The following MED24 variants were observed in gnomAD, a reference collection of about 807,000 sequenced individuals.
The protein encoded by MED24 is mediator of RNA polymerase II transcription subunit 24.
In MED24, 74 loss-of-function variants were observed where a neutral mutation model predicts 118.8. The ratio of observed to expected loss-of-function variants is 0.62; its 90% CI spans 0.52 to 0.76. The LOEUF (loss-of-function observed/expected upper bound fraction) is 0.76. Ranked by LOEUF, MED24 falls within the 30% of genes least tolerant of loss-of-function variation. MED24 has a pLI of 0.00. For missense variants in MED24, 1,041 were observed against 1,278.9 expected (o/e 0.81, Z 2.84); for synonymous variants, 521 against 523.9 (o/e 0.99, Z 0.08).
intron 9 of MED24, 55 bp downstream of exon 9, chr17:40,032,594 G>T: frequency 7.0e-7 from 1 of 1,430,576 alleles, no homozygotes; most frequent in Non-Finnish European, 9.8e-7. Context: ...GGGTGCCACT[G>T]GTCTTGCTAA....
In MED24 at chr17:40,036,174, A is replaced by G. The variant is rs1983911023; in HGVS notation, c.214-20T>C. On this transcript the variant is annotated intron_variant, in intron 3 of 25. Transcript: ENST00000394128. ...CACCATCTGGAGAGAAGGAAGAAAGATAATCTTTAGACAACTAGTCTCCCA... is the reference window on the plus strand; with the variant it reads ...CACCATCTGGAGAGAAGGAAGAAAGGTAATCTTTAGACAACTAGTCTCCCA... The G allele has an allele frequency of 6.2e-7, 1 of 1,605,518 alleles. No individual in the cohort carries two copies. Among genetic ancestry groups the G allele is most frequent in the African/African-American group, 1.3e-5 (1 of 74,840 alleles).
intron 14 of MED24, 21 bp from the exon 15 acceptor site, chr17:40,027,967 C>T (rs1156519052): frequency 1.2e-6 from 2 of 1,613,530 alleles, no homozygotes; most frequent in East Asian, 2.2e-5. Flanking sequence ...TGGAGACAGG[C>T]TGCATTGACC....
chr17:40,027,697 A>AG (rs1303988657), intron 15 of MED24: 38 of 669,326 alleles, frequency 5.7e-5, no homozygotes, highest in Admixed American at 2.4e-4. Context: ...TAAAGGGATG[A>AG]GGGGGGGAAG....
Position 40,032,027 on chromosome 17 carries a change from T to C in MED24, c.984+16A>G, listed in dbSNP as rs1264452556. ...TTATTTCTGCTCCCATGCCTCCATC[T>C]CAATCCCCAACTCACCTTGTCTCCA... On this transcript the variant is annotated intron_variant, in intron 10 of 25. Coordinates refer to ENST00000394128, the MANE Select transcript of MED24 (RefSeq NM_014815.4). The C allele has an allele frequency of 6.2e-7, 1 of 1,613,084 alleles. No homozygotes were observed. The highest frequency in any genetic ancestry group is 8.5e-7 in the Non-Finnish European group (1 of 1,179,390).
At position 40,019,782 on chromosome 17, in the gene MED24, C is replaced by G; in HGVS notation, c.2853+3G>C. 1 of 1,611,980 alleles carries G rather than the reference C, an allele frequency of 6.2e-7. No individual in the cohort carries two copies. The highest frequency in any genetic ancestry group is 1.1e-5 in the South Asian group (1 of 90,810). ...GCAGGAGAGCCGGGAAGGTGGTACT[C>G]ACGGTGGTGAAGGGCATGAACTGCA... On this transcript the variant is annotated splice_donor_region_variant and intron_variant, in intron 25 of 25. Transcript: ENST00000394128.
intron 3 of MED24, among the ~76,000 whole-genome samples, chr17:40,048,454 G>A (rs1161867311): frequency 6.6e-6 from 1 of 152,126 alleles, no homozygotes; most frequent in African/African-American, 2.4e-5. Context: ...ATATAACTTA[G>A]TCATGGATAT....
In MED24 at chr17:40,053,343, G is replaced by T. The variant is rs1281032652; in HGVS notation, c.168C>A (p.Pro56=). ...TCAGGTAGGACAAGATGAGAGGATT[G>T]GGGGATGGTCCAATCATGGCCTGCT... ...LLEQAMIGPS[P]NPLILSYLKY... Residue 56 remains proline (P), a synonymous_variant, in exon 3 of 26, where the codon CCC becomes CCA. Coordinates refer to ENST00000394128, the MANE Select transcript of MED24 (RefSeq NM_014815.4). The T allele has an allele frequency of 5.0e-6, 8 of 1,612,902 alleles. No homozygotes were observed. Among genetic ancestry groups the T allele is most frequent in the Non-Finnish European group, 5.9e-6 (7 of 1,179,194 alleles).
At chr17:40,032,621 G>A in intron 9 of MED24, 28 bp downstream of exon 9, 1 of 1,565,144 alleles carries the variant, frequency 6.4e-7, no homozygotes, top group Non-Finnish European at 8.8e-7. Context: ...TTCCTAGACT[G>A]GCTCTGCCCC....
chr17:40,031,178 T>C lies in MED24; in HGVS notation c.1135A>G (p.Asn379Asp). 6.4e-7 allele frequency: 1 copy of C among 1,569,532 alleles called. No individual in the cohort carries two copies. Among genetic ancestry groups the C allele is most frequent in the Non-Finnish European group, 8.6e-7 (1 of 1,156,186 alleles). Residue 379 changes from asparagine to aspartate, a missense_variant, in exon 12 of 26, where the codon AAC becomes GAC. Physicochemically the swap from Asn to Asp is conservative, Grantham distance 23. Transcript: ENST00000394128. ...ACTTACCGCTTAGCCATAAGGTTGT[T>C]GACGCTGGCCTCAGACAGAAGCCCC... ...KQGLLSEASV[N>D]NLMAKRKADR...
At position 40,027,537 on chromosome 17, in the gene MED24, C is replaced by G. The variant is rs1364387867; in HGVS notation, c.1448-72G>C. ...AGCCCGTGTCTGGGTTGACAGGGAT[C>G]GGGATTTGCCTCTAGGAAGGTCAGG... On this transcript the variant is annotated intron_variant, in intron 15 of 25. Coordinates refer to ENST00000394128, the MANE Select transcript of MED24 (RefSeq NM_014815.4). 5 of 1,445,272 alleles carry G rather than the reference C, an allele frequency of 3.5e-6. No individual in the cohort carries two copies. The African/African-American group carries it at 4.2e-5, about 12-fold the overall frequency. 89.5% of individuals were successfully genotyped at this position (1,445,272 alleles called of 1,614,324 possible). A position where few individuals can be genotyped will look rare whatever the true frequency, so the allele number is the denominator to read the frequency against.
At position 40,049,458 on chromosome 17, in the gene MED24, T is replaced by C. The variant is rs758360733; in HGVS notation, c.213+3840A>G. Among the ~76,000 whole-genome samples the C allele has an allele frequency of 4.6e-5, 7 of 152,358 alleles. No individual in the cohort carries two copies. In the South Asian group the frequency reaches 8.3e-4, roughly 18 times the overall value. On this transcript the variant is annotated intron_variant, in intron 3 of 25. Coordinates refer to ENST00000394128, the MANE Select transcript of MED24 (RefSeq NM_014815.4). ...CTGGACTGGGTGCCTTTCCCATGTATTCCCATAGCAAGGACAGTCCCAACT... is the reference window on the plus strand; with the variant it reads ...CTGGACTGGGTGCCTTTCCCATGTACTCCCATAGCAAGGACAGTCCCAACT...
chr17:40,044,285 C>T (rs1984909093), intron 3 of MED24, among the ~76,000 whole-genome samples: 1 of 151,822 alleles, frequency 6.6e-6, no homozygotes, highest in South Asian at 2.1e-4. Flanking sequence ...TTTGGGAGTC[C>T]AAGGCGGGTG....
At chr17:40,049,747 G>A (rs1985617140) in intron 3 of MED24, among the ~76,000 whole-genome samples, 1 of 151,568 alleles carries the variant, frequency 6.6e-6, no homozygotes, top group African/African-American at 2.4e-5. Context: ...GGAGGGTCTC[G>A]ATCGCCTGAC....
chr17:40,021,895 C>T (rs1393441526), intron 23 of MED24, 60 bp downstream of exon 23: 12 of 1,245,712 alleles, frequency 9.6e-6, no homozygotes, highest in African/African-American at 1.5e-5. Context: ...GGCAGAGTGG[C>T]AGCATCGGGG....
At position 40,027,495 on chromosome 17, in the gene MED24, AGAC is replaced by A. The variant is rs113970957; in HGVS notation, c.1448-33_1448-31del. 3.1e-3 allele frequency: 4,966 copies of A among 1,587,928 alleles called. 42 individuals carry two copies. Among genetic ancestry groups the A allele is most frequent in the African/African-American group, 0.028 (2,091 of 74,312 alleles). On this transcript the variant is annotated intron_variant, in intron 15 of 25. Transcript: ENST00000394128. ...GGAAGGACGGGAAGGCTGAGCTCCCAGACGAGGGCAGGGGGGAGCCCGTGTCTG... is the reference window on the plus strand; with the variant it reads ...GGAAGGACGGGAAGGCTGAGCTCCCAGAGGGCAGGGGGGAGCCCGTGTCTG...
In MED24 at chr17:40,023,173, C is replaced by T. The variant is rs1598333257; in HGVS notation, c.2208G>A (p.Leu736=). ...AGAACCAGTAGACGCCGCCCATGTG[C>T]AGCAGGGTGTCAAAGATGTGGATGG... ...SRSIHIFDTL[L]HMGGVYWFCN... The change falls in exon 20 of 26, where the codon CTG becomes CTA. Residue 736 remains leucine, a synonymous_variant. Coordinates refer to ENST00000394128, the MANE Select transcript of MED24 (RefSeq NM_014815.4). The T allele has an allele frequency of 1.2e-6, 2 of 1,614,140 alleles. No individual in the cohort carries two copies. The highest frequency in any genetic ancestry group is 1.7e-6 in the Non-Finnish European group (2 of 1,179,992).
chr17:40,033,857 G>GAC lies in MED24; in HGVS notation c.560-402_560-401insGT. On this transcript the variant is annotated intron_variant, in intron 6 of 25. Coordinates refer to ENST00000394128, the MANE Select transcript of MED24 (RefSeq NM_014815.4). The surrounding 1 kb of genome is among the most constrained non-coding windows in gnomAD (Gnocchi z 5.2). ...TTGCAGAGGCTGTCACTCTCCTCTG[G>GAC]GGGAACTGGGTCCCTAAATGGCTTT... 1 of 416,792 alleles carries GAC rather than the reference G, an allele frequency of 2.4e-6. No individual in the cohort carries two copies. Among genetic ancestry groups the GAC allele is most frequent in the South Asian group, 1.7e-5 (1 of 57,682 alleles). The allele number at this position is 416,792 out of a possible 1,614,324, so 25.8% of individuals were successfully genotyped here.
intron 3 of MED24, among the ~76,000 whole-genome samples, chr17:40,046,877 G>A (rs979948288): frequency 6.6e-6 from 1 of 152,004 alleles, no homozygotes; most frequent in African/African-American, 2.4e-5. Context: ...GCAACAAAGG[G>A]AGACCCCGTC....
chr17:40,031,158 C>T lies in MED24; in HGVS notation c.1154+1G>A. 6.4e-7 allele frequency: 1 copy of T among 1,561,682 alleles called. No individual in the cohort carries two copies. The highest frequency in any genetic ancestry group is 8.7e-7 in the Non-Finnish European group (1 of 1,151,848). On this transcript the variant is annotated splice_donor_variant, in intron 12 of 25. Coordinates refer to ENST00000394128, the MANE Select transcript of MED24 (RefSeq NM_014815.4). LOFTEE classifies it high-confidence loss of function. ...GGTAGCACAGGTGCGTTCACACTTA[C>T]CGCTTAGCCATAAGGTTGTTGACGC...
Sources: allele counts gnomAD v4.1 joint callset (sites outside exome capture counted in the v4.1 genomes callset), GRCh38; gene constraint gnomAD v4.1.1; non-coding constraint Gnocchi (gnomAD v3.1); transcripts MANE v1.5; gene names NCBI Gene and HGNC (gene_info 2026-07-23, HGNC 2026-07-21).